The following IL17RD variants were observed in gnomAD, a reference collection of about 807,000 sequenced individuals.
The protein encoded by IL17RD is interleukin 17 receptor D.
Under a neutral mutation model 80.5 loss-of-function variants are expected in IL17RD, and 52 were observed. The ratio of observed to expected loss-of-function variants is 0.65; its 90% confidence interval spans 0.52 to 0.81. The LOEUF is 0.81. IL17RD is among the 40% of genes least tolerant of loss of function. IL17RD has a pLI of 0.00. For synonymous variants in IL17RD, 416 were observed against 391.8 expected, an observed-to-expected ratio of 1.06 and a Z score of -0.73; for missense variants, 1,024 against 955.1, an observed-to-expected ratio of 1.07 and a Z score of -0.95.
chr3:57,105,771 T>C, intron 7 of IL17RD, 86 bp downstream of exon 7: 2 of 1,126,860 alleles, frequency 1.8e-6, no homozygotes, highest in Non-Finnish European at 2.6e-6. Context: ...CAAAGCCTAA[T>C]GCTCACATTG....
chr3:57,123,477 T>C (rs1179911413), intron 1 of IL17RD, among the ~76,000 whole-genome samples: 1 of 152,168 alleles, frequency 6.6e-6, no homozygotes, highest in African/African-American at 2.4e-5. Flanking sequence ...CCTCTTCTCT[T>C]CCTATCACCC....
chr3:57,104,193 C>CT lies in IL17RD; in HGVS notation c.813+148dup, dbSNP rs943090258. 1.3e-5 allele frequency: 8 copies of CT among 593,420 alleles called. No homozygotes were observed. The Admixed American group carries it at 1.4e-4, about 10-fold the overall frequency. 36.8% of individuals were successfully genotyped at this position (593,420 alleles called of 1,614,324 possible). ...AGATCAAAAATCAATTATATATAAACTTTTTTTAAAAGCATGTTAAGAACC... is the reference window on the plus strand; with the variant it reads ...AGATCAAAAATCAATTATATATAAACTTTTTTTTAAAAGCATGTTAAGAACC... On this transcript the variant is annotated intron_variant, in intron 8 of 12. Coordinates refer to ENST00000296318, the MANE Select transcript of IL17RD (RefSeq NM_017563.5).
intron 1 of IL17RD, among the ~76,000 whole-genome samples, chr3:57,141,195 C>T (rs1357980230): frequency 1.3e-5 from 2 of 152,158 alleles, no homozygotes; most frequent in Non-Finnish European, 2.9e-5. Flanking sequence ...AGCCACAGCA[C>T]CCAGCCGACC....
At chr3:57,102,305 G>A (rs1415014457) in intron 10 of IL17RD, among the ~76,000 whole-genome samples, 174 bp downstream of exon 10, 2 of 152,046 alleles carry the variant, frequency 1.3e-5, no homozygotes, top group Non-Finnish European at 2.9e-5. Flanking sequence ...GTTTTTTTTA[G>A]TGGCTCCTGA....
At position 57,108,092 on chromosome 3, in the gene IL17RD, C is replaced by T. The variant is rs887918013; in HGVS notation, c.550+1445G>A. Among the ~76,000 whole-genome samples the T allele has an allele frequency of 2.7e-5, 4 of 150,510 alleles. No individual in the cohort carries two copies. In the East Asian group the frequency reaches 7.8e-4, roughly 29 times the overall value. ...TTTTTCTTTTTGAGATGGAGTCTTGCTCTGTGGCCCAGGCTGGAGTGCAGC... is the reference window on the plus strand; with the variant it reads ...TTTTTCTTTTTGAGATGGAGTCTTGTTCTGTGGCCCAGGCTGGAGTGCAGC... On this transcript the variant is annotated intron_variant, in intron 5 of 12. Transcript: ENST00000296318.
chr3:57,155,703 G>A (rs1328095600), intron 1 of IL17RD, among the ~76,000 whole-genome samples: 1 of 152,120 alleles, frequency 6.6e-6, no homozygotes, highest in African/African-American at 2.4e-5. Flanking sequence ...TGATTCTCCA[G>A]CCTCAGTCTC....
Position 57,105,935 on chromosome 3 carries a change from G to C in IL17RD, c.669C>G (p.His223Gln), listed in dbSNP as rs1365006150. 5.0e-6 allele frequency: 8 copies of C among 1,613,780 alleles called. No homozygotes were observed. The South Asian group carries it at 8.8e-5, about 18-fold the overall frequency. Residue 223 changes from histidine to glutamine, a missense_variant, in exon 7 of 13, where the codon CAC becomes CAG. By Grantham distance (24) the His-to-Gln change is conservative (BLOSUM62 0). Coordinates refer to ENST00000296318, the MANE Select transcript of IL17RD (RefSeq NM_017563.5). The stretch of plus-strand genomic sequence containing the variant: ...GATAGAAGAAACGGAAGCCGAAGTT[G>C]TGCGGTGCATGGTCGAAGGACACCT... ...DMQVSFDHAP[H>Q]NFGFRFFYLH...
At chr3:57,145,247 C>T (rs1331226679) in intron 1 of IL17RD, among the ~76,000 whole-genome samples, 1 of 152,068 alleles carries the variant, frequency 6.6e-6, no homozygotes, top group Non-Finnish European at 1.5e-5. Flanking sequence ...TTGATTGGGC[C>T]CTAAAAGCTC....
At chr3:57,125,549 C>T (rs1707442311) in intron 1 of IL17RD, among the ~76,000 whole-genome samples, 1 of 152,156 alleles carries the variant, frequency 6.6e-6, no homozygotes. Context: ...GTTACTGCCT[C>T]AATAAGCAGG....
chr3:57,097,926 A>G lies in IL17RD; in HGVS notation c.1777T>C (p.Cys593Arg), dbSNP rs770345189. The change falls in exon 12 of 13, where the codon TGC (cysteine) becomes CGC (arginine). Residue 593 changes from cysteine (C) to arginine (R), a missense_variant. Coordinates refer to ENST00000296318, the MANE Select transcript of IL17RD (RefSeq NM_017563.5). ...DSGLVLNDVM[C>R]KPGPESDFCL... The stretch of plus-strand genomic sequence containing the variant: ...AAGTCACTCTCAGGCCCTGGTTTGC[A>G]CATGACATCATTTAAAACCAAGCCC... The G allele has an allele frequency of 6.2e-7, 1 of 1,614,046 alleles. No individual in the cohort carries two copies. Among genetic ancestry groups the G allele is most frequent in the East Asian group, 2.2e-5 (1 of 44,880 alleles).
At chr3:57,141,040 C>A (rs1707818648) in intron 1 of IL17RD, among the ~76,000 whole-genome samples, 1 of 152,040 alleles carries the variant, frequency 6.6e-6, no homozygotes, top group Admixed American at 6.5e-5. Flanking sequence ...GAACTACAGG[C>A]GTGTACCATC....
intron 7 of IL17RD, among the ~76,000 whole-genome samples, chr3:57,104,952 C>T (rs1414955620): frequency 6.6e-6 from 1 of 152,164 alleles, no homozygotes; most frequent in Non-Finnish European, 1.5e-5. Flanking sequence ...GAAACGGTTT[C>T]CACTCTTCTG....
chr3:57,161,952 G>A (rs867134067), intron 1 of IL17RD, among the ~76,000 whole-genome samples: 1 of 152,182 alleles, frequency 6.6e-6, no homozygotes, highest in Non-Finnish European at 1.5e-5. Context: ...TTTTTAAGTA[G>A]TTGAGGAAGT....
In IL17RD at chr3:57,097,780, G is replaced by C. The variant is rs752984107; in HGVS notation, c.1923C>G (p.Ala641=). The change falls in exon 12 of 13, where the codon GCC becomes GCG. Residue 641 remains alanine (A), a synonymous_variant. Coordinates refer to ENST00000296318, the MANE Select transcript of IL17RD (RefSeq NM_017563.5). The part of the protein sequence containing the change: ...GEARPALDGS[A]ALQPLLHTVK... ...CCGTGTGCAGCAGGGGTTGCAGGGC[G>C]GCGCTACCGTCAAGGGCAGGCCGGG... 3.7e-6 allele frequency: 6 copies of C among 1,602,840 alleles called. No homozygotes were observed. The South Asian group carries it at 5.6e-5, about 15-fold the overall frequency.
chr3:57,152,029 C>T (rs1226949421), intron 1 of IL17RD, among the ~76,000 whole-genome samples: 1 of 152,122 alleles, frequency 6.6e-6, no homozygotes, highest in African/African-American at 2.4e-5. Flanking sequence ...GCCCCCAGTG[C>T]CTCCTTCTAC....
intron 1 of IL17RD, among the ~76,000 whole-genome samples, chr3:57,148,324 C>CAAAA (rs34343372): frequency 9.6e-6 from 1 of 104,074 alleles, no homozygotes. Flanking sequence ...GACTCTATCT[C>CAAAA]AAAAAAAAAA....
intron 1 of IL17RD, 114 bp from the exon 2 acceptor site, chr3:57,120,427 C>T: frequency 1.4e-6 from 1 of 720,042 alleles, no homozygotes; most frequent in South Asian, 1.6e-5. Context: ...TCATGCCAGT[C>T]CCCGGACATC....
Position 57,098,448 on chromosome 3 carries a change from T to G in IL17RD, c.1255A>C (p.Ile419Leu), listed in dbSNP as rs757923348. ...IQKIHESQFI[I>L]VVCSKGMKYF... ...TTCATACCTTTGGAACAAACCACAA[T>G]GATGAACTGGGACTCGTGGATCTTC... Residue 419 changes from isoleucine (I) to leucine (L), a missense_variant, in exon 12 of 13, where the codon ATT becomes CTT. Transcript: ENST00000296318. The G allele has an allele frequency of 1.2e-5, 20 of 1,613,970 alleles. No individual in the cohort carries two copies. Among genetic ancestry groups the G allele is most frequent in the South Asian group, 1.1e-5 (1 of 91,078 alleles).
At chr3:57,165,135 C>T (rs760533412) in intron 1 of IL17RD, 26 bp downstream of exon 1, 130 of 1,503,752 alleles carry the variant, frequency 8.6e-5, no homozygotes, top group Non-Finnish European at 8.2e-5. Context: ...TTGGCGACGG[C>T]AAGAAACCCG....
Sources: allele counts gnomAD v4.1 joint callset (sites outside exome capture counted in the v4.1 genomes callset), GRCh38; gene constraint gnomAD v4.1.1; transcripts MANE v1.5; gene names NCBI Gene and HGNC (gene_info 2026-07-23, HGNC 2026-07-21).